Variants in DPYD observed in about 807,000 individuals in gnomAD.
DPYD encodes the protein dihydropyrimidine dehydrogenase [NADP(+)].
Under a neutral mutation model 116.2 loss-of-function variants are expected in DPYD, and 109 were observed. That is an observed-to-expected ratio of 0.94 (90% CI 0.80 to 1.10). DPYD has a LOEUF of 1.10. Ranked by LOEUF, DPYD falls within the 50% of genes least tolerant of loss-of-function variation. The pLI, the probability that DPYD is intolerant of heterozygous loss-of-function variation, is 0.00. For synonymous variants in DPYD, 440 were observed against 432.0 expected (o/e 1.02, Z -0.23); for missense variants, 1,302 against 1,254.5 (o/e 1.04, Z -0.57).
intron 13 of DPYD, among the ~76,000 whole-genome samples, chr1:97,461,660 T>C (rs1055461798): frequency 3.9e-5 from 6 of 152,212 alleles, no homozygotes; most frequent in Non-Finnish European, 8.8e-5. Context: ...TGCGATATAA[T>C]AATTAAAATA....
chr1:97,146,918 A>G (rs1654671830), intron 20 of DPYD, among the ~76,000 whole-genome samples: 1 of 152,226 alleles, frequency 6.6e-6, no homozygotes, highest in Non-Finnish European at 1.5e-5. Context: ...TAGAATTTCA[A>G]TGGCAAGGAA....
chr1:97,233,020 T>C (rs1231301935), intron 19 of DPYD, among the ~76,000 whole-genome samples: 2 of 152,204 alleles, frequency 1.3e-5, no homozygotes, highest in Non-Finnish European at 2.9e-5. Flanking sequence ...TGATTTTATT[T>C]AAACTTTGTT....
intron 19 of DPYD, among the ~76,000 whole-genome samples, chr1:97,227,820 T>C (rs1661293449): frequency 6.6e-6 from 1 of 151,996 alleles, no homozygotes. Context: ...ATAATAAGGT[T>C]CAGTTTGATT....
chr1:97,807,729 A>G lies in DPYD; in HGVS notation c.233+20385T>C, dbSNP rs77316588. On this transcript the variant is annotated intron_variant, in intron 3 of 22. Coordinates refer to ENST00000370192, the MANE Select transcript of DPYD (RefSeq NM_000110.4). Reference sequence around the variant, plus strand: ...GTTATCACCAAATCCAATAACATCTATATTTTCTATGTTATCTTCTCAGAA... The same window carrying G: ...GTTATCACCAAATCCAATAACATCTGTATTTTCTATGTTATCTTCTCAGAA... Among the ~76,000 whole-genome samples the G allele has an allele frequency of 6.6e-3, 1,003 of 152,138 alleles. 15 individuals carry two copies. Among genetic ancestry groups the G allele is most frequent in the African/African-American group, 0.023 (945 of 41,518 alleles).
intron 13 of DPYD, among the ~76,000 whole-genome samples, chr1:97,514,995 G>A (rs969931053): frequency 1.3e-5 from 2 of 151,830 alleles, no homozygotes; most frequent in African/African-American, 4.8e-5. Flanking sequence ...CTACCAGTTA[G>A]TATTAAATAC....
At chr1:97,681,641 G>A (rs771703213) in intron 7 of DPYD, among the ~76,000 whole-genome samples, 6 of 151,972 alleles carry the variant, frequency 3.9e-5, no homozygotes, top group Non-Finnish European at 7.4e-5. Flanking sequence ...AGTAGAATTC[G>A]ATGCTATTAA....
intron 20 of DPYD, among the ~76,000 whole-genome samples, chr1:97,154,763 G>C (rs138998493): frequency 1.7e-3 from 257 of 151,924 alleles, no homozygotes; most frequent in African/African-American, 5.9e-3. Flanking sequence ...GTGAGAGGGG[G>C]GTGAGGGATA....
intron 13 of DPYD, among the ~76,000 whole-genome samples, chr1:97,453,881 T>C (rs1570758404): frequency 6.6e-6 from 1 of 152,194 alleles, no homozygotes; most frequent in East Asian, 1.9e-4. Context: ...ATTTATTTGC[T>C]TTATGATAGA....
At chr1:97,280,075 T>A (rs1013132606) in intron 18 of DPYD, 9 of 152,140 alleles carry the variant, frequency 5.9e-5, no homozygotes, top group Non-Finnish European at 1.3e-4. Flanking sequence ...AGCTTACCAC[T>A]CAATCTCCTC....
At chr1:97,275,427 A>G (rs1234499205) in intron 18 of DPYD, among the ~76,000 whole-genome samples, 1 of 152,212 alleles carries the variant, frequency 6.6e-6, no homozygotes, top group East Asian at 1.9e-4. Context: ...TCTAGGATTC[A>G]GAGGGCAAGA....
chr1:97,788,402 T>C (rs1571358266), intron 3 of DPYD, among the ~76,000 whole-genome samples: 1 of 152,148 alleles, frequency 6.6e-6, no homozygotes, highest in Non-Finnish European at 1.5e-5. Context: ...AGAAGAAAGA[T>C]GCCAGATACC....
intron 16 of DPYD, among the ~76,000 whole-genome samples, chr1:97,370,756 A>G (rs879651970): frequency 6.6e-6 from 1 of 152,184 alleles, no homozygotes; most frequent in African/African-American, 2.4e-5. Flanking sequence ...CAAATCCCAT[A>G]TTTTAGAGAT....
intron 12 of DPYD, among the ~76,000 whole-genome samples, chr1:97,527,273 T>C (rs949945965): frequency 6.6e-6 from 1 of 152,106 alleles, no homozygotes; most frequent in Non-Finnish European, 1.5e-5. Flanking sequence ...GAGACAGGGT[T>C]TCACCATGTT....
At chr1:97,314,128 ACTGTCTCCTACTGTGGC>A (rs1325198960) in intron 16 of DPYD, among the ~76,000 whole-genome samples, 1 of 151,868 alleles carries the variant, frequency 6.6e-6, no homozygotes, top group Non-Finnish European at 1.5e-5. Flanking sequence ...CTTGGAGAGA[ACTGTCTCCTACTGTGGC>A]CTAGAAGTCC....
At chr1:97,180,921 GT>G (rs1364199029) in intron 20 of DPYD, among the ~76,000 whole-genome samples, 2 of 152,094 alleles carry the variant, frequency 1.3e-5, no homozygotes, top group South Asian at 2.1e-4. Flanking sequence ...ATGTAGTATA[GT>G]TTACATTTTA....
chr1:97,726,964 T>G (rs1663298245), intron 4 of DPYD, among the ~76,000 whole-genome samples: 3 of 151,794 alleles, frequency 2.0e-5, no homozygotes, highest in Admixed American at 2.0e-4. Context: ...GTCTAATAAT[T>G]CTTAACACTC....
intron 20 of DPYD, among the ~76,000 whole-genome samples, chr1:97,191,561 T>A (rs572299470): frequency 6.6e-6 from 1 of 152,314 alleles, no homozygotes; most frequent in East Asian, 1.9e-4. Context: ...CAGTTTCCAT[T>A]TATGTCATTG....
Position 97,098,540 on chromosome 1 carries a change from T to G in DPYD, c.2715A>C (p.Ser905=), listed in dbSNP as rs752151811. The change falls in exon 21 of 23, where the codon TCA becomes TCC. Residue 905 remains serine (S), a synonymous_variant. Transcript: ENST00000370192. The part of the protein sequence containing the change: ...IRLKEQNVAF[S]PLKRNCFIPK... ...GGATAAAACAGTTTCTCTTAAGTGG[T>G]GAAAAAGCTACATTTTGTTCTTTCA... The G allele has an allele frequency of 1.2e-6, 2 of 1,613,218 alleles. No individual in the cohort carries two copies. The highest frequency in any genetic ancestry group is 3.3e-5 in the Admixed American group (2 of 59,964).
intron 4 of DPYD, among the ~76,000 whole-genome samples, chr1:97,729,608 T>C (rs1040409538): frequency 2.6e-5 from 4 of 152,118 alleles, no homozygotes; most frequent in African/African-American, 4.8e-5. Context: ...GCAAAATGTA[T>C]GTACAGAAAA....
Sources: gnomAD v4.1 joint callset for allele counts (sites outside exome capture counted in the v4.1 genomes callset) on GRCh38, gnomAD v4.1.1 for gene constraint, MANE v1.5 for transcripts, NCBI Gene and HGNC (gene_info 2026-07-23, HGNC 2026-07-21) for gene names.